Variants in PHYKPL observed in about 807,000 individuals in gnomAD.
PHYKPL encodes the protein 5-phosphonooxy-L-lysine phospho-lyase.
Under a neutral mutation model 51.3 loss-of-function variants are expected in PHYKPL, and 42 were observed. The ratio of observed to expected loss-of-function variants is 0.82; its 90% CI spans 0.64 to 1.06. The LOEUF is 1.06. PHYKPL is among the 50% of genes least tolerant of loss of function. PHYKPL has a pLI of 0.00. For missense variants in PHYKPL, 655 were observed against 586.6 expected, an observed-to-expected ratio of 1.12 and a Z score of -1.20; for synonymous variants, 264 against 236.0, an observed-to-expected ratio of 1.12 and a Z score of -1.09.
Position 178,230,340 on chromosome 5 carries a change from C to T in PHYKPL, c.179-241G>A, listed in dbSNP as rs1763131282. The T allele has an allele frequency of 7.8e-6, 4 of 515,350 alleles. No homozygotes were observed. The East Asian group carries it at 9.8e-5, about 13-fold the overall frequency. 31.9% of individuals were successfully genotyped at this position (515,350 alleles called of 1,614,324 possible). A position where few individuals can be genotyped will look rare whatever the true frequency, so the allele number is the denominator to read the frequency against. On this transcript the variant is annotated intron_variant, in intron 2 of 12. Transcript: ENST00000308158. ...CAGCAGAAGAACCCTGTCTAGAAAGCCCATGTCTTTAAGGAGGACTTTTTT... is the reference window on the plus strand; with the variant it reads ...CAGCAGAAGAACCCTGTCTAGAAAGTCCATGTCTTTAAGGAGGACTTTTTT...
At chr5:178,218,512 CAG>C (rs1160913412) in intron 8 of PHYKPL, among the ~76,000 whole-genome samples, 1 of 152,070 alleles carries the variant, frequency 6.6e-6, no homozygotes, top group African/African-American at 2.4e-5. Flanking sequence ...AAAGAGATCC[CAG>C]GGAGTGCTCA....
At chr5:178,227,599 C>G (rs1032690138) in intron 3 of PHYKPL, among the ~76,000 whole-genome samples, 1 of 152,098 alleles carries the variant, frequency 6.6e-6, no homozygotes, top group Admixed American at 6.5e-5. Flanking sequence ...CTAAGGAGGG[C>G]AGGGTAGGAG....
chr5:178,207,827 C>T (rs1025642900), downstream of PHYKPL, among the ~76,000 whole-genome samples: 1 of 151,180 alleles, frequency 6.6e-6, no homozygotes, highest in Non-Finnish European at 1.5e-5. Flanking sequence ...CTCAGCCTCT[C>T]GAGTAGCTGG....
chr5:178,212,863 T>C, intron 11 of PHYKPL, 110 bp downstream of exon 11: 2 of 1,437,984 alleles, frequency 1.4e-6, no homozygotes, highest in Non-Finnish European at 1.9e-6. Context: ...AGAGGACATG[T>C]GCCTCTGCTC....
At chr5:178,228,346 C>A (rs1282166144) in intron 3 of PHYKPL, 1 of 582,884 alleles carries the variant, frequency 1.7e-6, no homozygotes, top group Non-Finnish European at 3.0e-6. Flanking sequence ...CAGACCACTT[C>A]CGGAGAGTGG....
chr5:178,215,298 GTT>G lies in PHYKPL; in HGVS notation c.1058_1059del (p.Lys353ThrfsTer22), dbSNP rs1483326329. 1 of 1,614,104 alleles carries G rather than the reference GTT, an allele frequency of 6.2e-7. No homozygotes were observed. The highest frequency in any genetic ancestry group is 2.2e-5 in the East Asian group (1 of 44,886). ...CACCTGACATCCCCGACGATGGGATGTTTGATTTTTTGCTGCCCGAGGAGCTG... is the reference window on the plus strand; with the variant it reads ...CACCTGACATCCCCGACGATGGGATGTGATTTTTTGCTGCCCGAGGAGCTG... ...LMQLLGQQKI[K>X]HPIVGDVRGV... On this transcript the variant is annotated frameshift_variant, in exon 9 of 13. Transcript: ENST00000308158. LOFTEE classifies it high-confidence loss of function.
At chr5:178,221,512 G>C (rs138956256) in intron 8 of PHYKPL, among the ~76,000 whole-genome samples, 50 of 152,242 alleles carry the variant, frequency 3.3e-4, no homozygotes, top group African/African-American at 1.2e-3. Context: ...GTGTCACATG[G>C]ACAGAGTGAT....
At chr5:178,209,126 G>A (rs1020925520) in intron 12 of PHYKPL, among the ~76,000 whole-genome samples, 6 of 152,210 alleles carry the variant, frequency 3.9e-5, no homozygotes, top group African/African-American at 7.2e-5. Flanking sequence ...GCATTCTGTC[G>A]GAAGGGTTCT....
chr5:178,232,596 G>A lies in PHYKPL; in HGVS notation c.-46C>T. 8.0e-7 allele frequency: 1 copy of A among 1,248,278 alleles called. No individual in the cohort carries two copies. The highest frequency in any genetic ancestry group is 1.0e-6 in the Non-Finnish European group (1 of 997,540). 77.3% of individuals were successfully genotyped at this position (1,248,278 alleles called of 1,614,324 possible). A position where few individuals can be genotyped will look rare whatever the true frequency, so the allele number is the denominator to read the frequency against. On this transcript the variant is annotated 5_prime_UTR_variant, in exon 1 of 13. Coordinates refer to ENST00000308158, the MANE Select transcript of PHYKPL (RefSeq NM_153373.4). Reference sequence around the variant, plus strand: ...TGCCGTGACGCCACGCGGAGACGTCGCCGCGCGGGCTGGGCCTCCAAGGCC... The same window carrying A: ...TGCCGTGACGCCACGCGGAGACGTCACCGCGCGGGCTGGGCCTCCAAGGCC...
At chr5:178,215,498 G>C in intron 8 of PHYKPL, 68 bp from the exon 9 acceptor site, 9 of 1,527,894 alleles carry the variant, frequency 5.9e-6, no homozygotes, top group Non-Finnish European at 7.0e-6. Flanking sequence ...GTGAGGGTGA[G>C]GCAGAAGAAC....
intron 11 of PHYKPL, 49 bp from the exon 12 acceptor site, chr5:178,212,019 A>G: frequency 1.2e-6 from 2 of 1,604,936 alleles, no homozygotes; most frequent in Non-Finnish European, 1.7e-6. Context: ...TTCTCTGCTG[A>G]AGATGCCCTG....
intron 8 of PHYKPL, among the ~76,000 whole-genome samples, chr5:178,221,216 C>T (rs1761115159): frequency 6.6e-6 from 1 of 152,112 alleles, no homozygotes; most frequent in Non-Finnish European, 1.5e-5. Context: ...TCAAGTAAAA[C>T]AAAGAAATAA....
rs1302887717 is a variant in PHYKPL, at chr5:178,211,900, C to CTT, written c.*19_*20dup. On this transcript the variant is annotated 3_prime_UTR_variant, in exon 12 of 13. Transcript: ENST00000308158. The stretch of plus-strand genomic sequence containing the variant: ...GCAAGGCCCACTCACCTGGAGTACA[C>CTT]TTAGGCAGAGCAGGGCTGGCTTAGG... 4 of 1,613,538 alleles carry CTT rather than the reference C, an allele frequency of 2.5e-6. No individual in the cohort carries two copies. In the African/African-American group the frequency reaches 4.0e-5, roughly 16 times the overall value.
intron 3 of PHYKPL, among the ~76,000 whole-genome samples, chr5:178,227,010 G>A (rs987356551): frequency 3.3e-5 from 5 of 152,102 alleles, no homozygotes; most frequent in South Asian, 2.1e-4. Flanking sequence ...TAAGTGCTAC[G>A]ATGGATGCCC....
intron 12 of PHYKPL, chr5:178,210,133 T>G (rs1258129548): frequency 1.2e-6 from 2 of 1,614,004 alleles, no homozygotes; most frequent in East Asian, 2.2e-5. Flanking sequence ...CCCCCACAGG[T>G]CAGAGTCAGA....
intron 3 of PHYKPL, among the ~76,000 whole-genome samples, chr5:178,226,242 A>G (rs1039868040): frequency 6.6e-6 from 1 of 151,676 alleles, no homozygotes; most frequent in African/African-American, 2.4e-5. Context: ...TGCCCAGCTA[A>G]TTTTTCGTAT....
At chr5:178,230,314 TCAG>T in intron 2 of PHYKPL, 3 of 569,462 alleles carry the variant, frequency 5.3e-6, no homozygotes, top group Non-Finnish European at 6.2e-6. Flanking sequence ...GAAAGCCGCT[TCAG>T]CAGAAGAACC....
rs372370290 is a variant in PHYKPL at position 178,229,975 on chromosome 5, C to T, written c.303G>A (p.Pro101=). Residue 101 remains proline (P), a synonymous_variant, in exon 3 of 13, where the codon CCG becomes CCA. Coordinates refer to ENST00000308158, the MANE Select transcript of PHYKPL (RefSeq NM_153373.4). ...DYAQRLSETL[P]EQLCVFYFLN... The stretch of plus-strand genomic sequence containing the variant: ...GGAAATAGAACACACAGAGCTGCTC[C>T]GGCAGGGTCTCTGACAGCCTCTGCG... 41 of 1,614,056 alleles carry T rather than the reference C, an allele frequency of 2.5e-5. No homozygotes were observed. The highest frequency in any genetic ancestry group is 8.0e-5 in the African/African-American group (6 of 74,930).
chr5:178,222,625 G>T (rs971225845), intron 7 of PHYKPL, 45 bp from the exon 8 acceptor site: 2 of 1,595,212 alleles, frequency 1.3e-6, no homozygotes, highest in African/African-American at 1.3e-5. Context: ...GGTTGAGAGG[G>T]ATAAGATCAG....
Sources: allele counts gnomAD v4.1 joint callset (sites outside exome capture counted in the v4.1 genomes callset), GRCh38; gene constraint gnomAD v4.1.1; transcripts MANE v1.5; gene names NCBI Gene and HGNC (gene_info 2026-07-23, HGNC 2026-07-21).